Variants in OR10J1 observed in about 807,000 individuals in gnomAD.
OR10J1 encodes the protein olfactory receptor family 10 subfamily J member 1.
For missense variants in OR10J1, 474 were observed against 376.6 expected, an observed-to-expected ratio of 1.26 and a Z score of -2.14; for synonymous variants, 202 against 143.8, an observed-to-expected ratio of 1.40 and a Z score of -2.89.
chr1:159,410,162 T>G, the OR10J1 span, among the ~76,000 whole-genome samples: 4 of 152,298 alleles, frequency 2.6e-5, no homozygotes, highest in Admixed American at 2.6e-4. Flanking sequence ...AAATTCTCTT[T>G]TTTGGTTGTG....
chr1:159,418,666 T>C, the OR10J1 span, among the ~76,000 whole-genome samples: 3 of 152,094 alleles, frequency 2.0e-5, no homozygotes, highest in Middle Eastern at 3.2e-3. Flanking sequence ...CCACACAAAG[T>C]CCTTACTGGG....
At chr1:159,403,203 G>A in the OR10J1 span, among the ~76,000 whole-genome samples, 1 of 152,100 alleles carries the variant, frequency 6.6e-6, no homozygotes, top group South Asian at 2.1e-4. Flanking sequence ...ATTAACCTGG[G>A]CAAAAATTTC....
At chr1:159,421,942 C>T in the OR10J1 span, among the ~76,000 whole-genome samples, 55 of 152,198 alleles carry the variant, frequency 3.6e-4, no homozygotes, top group East Asian at 9.7e-3. Flanking sequence ...GGGCGTCAGG[C>T]GTGGCATGGG....
At chr1:159,413,804 C>A in the OR10J1 span, among the ~76,000 whole-genome samples, 26 of 151,328 alleles carry the variant, frequency 1.7e-4, no homozygotes, top group African/African-American at 6.1e-4. Flanking sequence ...CTAACCTGCA[C>A]ATTGTGCACA....
chr1:159,440,829 G>A lies in OR10J1; in HGVS notation c.*108G>A, dbSNP rs1655926860. The A allele has an allele frequency of 1.7e-6, 2 of 1,184,974 alleles. No individual in the cohort carries two copies. The highest frequency in any genetic ancestry group is 2.3e-6 in the Non-Finnish European group (2 of 852,508). 73.4% of individuals were successfully genotyped at this position (1,184,974 alleles called of 1,614,324 possible). On this transcript the variant is annotated 3_prime_UTR_variant, in exon 1 of 1. Coordinates refer to ENST00000423932, the MANE Select transcript of OR10J1 (RefSeq NM_012351.3). ...CTAGAGACCTGCCCCTTAAATAAGA[G>A]GCAAAAGAGGAATAGCAGTTTCATA...
chr1:159,404,920 G>A, the OR10J1 span, among the ~76,000 whole-genome samples: 4 of 152,112 alleles, frequency 2.6e-5, no homozygotes, highest in African/African-American at 7.2e-5. Context: ...ACTATAAAGC[G>A]ATGTACAAAC....
chr1:159,399,076 T>G, the OR10J1 span, among the ~76,000 whole-genome samples: 1 of 151,752 alleles, frequency 6.6e-6, no homozygotes, highest in Non-Finnish European at 1.5e-5. Context: ...TAAGCTTCAC[T>G]ACATCTGGCA....
Position 159,440,285 on chromosome 1 carries a change from G to T in OR10J1, c.494G>T (p.Arg165Met), listed in dbSNP as rs1196823156. 1 of 1,614,142 alleles carries T rather than the reference G, an allele frequency of 6.2e-7. No homozygotes were observed. The change falls in exon 1 of 1, where the codon AGG becomes ATG. Residue 165 changes from arginine to methionine, a missense_variant. Coordinates refer to ENST00000423932, the MANE Select transcript of OR10J1 (RefSeq NM_012351.3). ...VAITQVTSVF[R>M]LPFCARKVPH... The stretch of plus-strand genomic sequence containing the variant: ...ATAACGCAAGTGACATCTGTATTCA[G>T]GTTACCCTTCTGTGCTAGAAAGGTG...
In OR10J1 at chr1:159,440,243, T is replaced by G. The variant is rs1283131457; in HGVS notation, c.452T>G (p.Ile151Ser). ...RIQLVLGACS[I>S]GLIVAITQVT... ...CAACTTGTCCTGGGGGCCTGCAGCA[T>G]TGGGCTGATTGTAGCAATAACGCAA... The change falls in exon 1 of 1, where the codon ATT becomes AGT. Residue 151 changes from isoleucine to serine, a missense_variant. Ile to Ser is a moderately radical substitution (Grantham distance 142). Transcript: ENST00000423932. 3 of 1,614,052 alleles carry G rather than the reference T, an allele frequency of 1.9e-6. No homozygotes were observed. Among genetic ancestry groups the G allele is most frequent in the Non-Finnish European group, 1.7e-6 (2 of 1,180,026 alleles).
At chr1:159,400,626 A>T in the OR10J1 span, among the ~76,000 whole-genome samples, 1 of 151,266 alleles carries the variant, frequency 6.6e-6, no homozygotes, top group African/African-American at 2.4e-5. Flanking sequence ...TAAAGAAAAT[A>T]CTATTAGAGC....
the OR10J1 span, chr1:159,405,920 C>T: frequency 5.7e-6 from 3 of 523,072 alleles, no homozygotes; most frequent in Non-Finnish European, 1.1e-5. Context: ...ATGCCCAGGC[C>T]AATCCTCAGT....
the OR10J1 span, among the ~76,000 whole-genome samples, chr1:159,412,754 T>C: frequency 6.6e-6 from 1 of 151,704 alleles, no homozygotes; most frequent in African/African-American, 2.4e-5. Flanking sequence ...ACCTAGGCGT[T>C]ACCATTCAGG....
At chr1:159,432,003 C>T in the OR10J1 span, among the ~76,000 whole-genome samples, 1 of 152,172 alleles carries the variant, frequency 6.6e-6, no homozygotes, top group Non-Finnish European at 1.5e-5. Context: ...CTACATCTGT[C>T]CCCCAGTCTC....
chr1:159,419,347 G>A, the OR10J1 span, among the ~76,000 whole-genome samples: 5 of 152,136 alleles, frequency 3.3e-5, no homozygotes, highest in Admixed American at 1.3e-4. Context: ...TTGAATCATG[G>A]GGGTGGGTCT....
upstream of OR10J1, chr1:159,437,853 T>C (rs1655782597): frequency 6.6e-6 from 1 of 152,468 alleles, no homozygotes; most frequent in Admixed American, 6.5e-5. Flanking sequence ...CCTGACTATA[T>C]TCCTACTAGT....
chr1:159,405,876 C>A, the OR10J1 span: 1 of 667,730 alleles, frequency 1.5e-6, no homozygotes, highest in South Asian at 1.6e-5. Flanking sequence ...CACAAAAGGG[C>A]AGGCCAAACA....
chr1:159,408,575 C>A, the OR10J1 span, among the ~76,000 whole-genome samples: 3 of 151,736 alleles, frequency 2.0e-5, no homozygotes, highest in Non-Finnish European at 4.4e-5. Context: ...TGTAACTAAC[C>A]TGCACATTGT....
the OR10J1 span, among the ~76,000 whole-genome samples, chr1:159,412,305 A>G: frequency 4.0e-5 from 6 of 149,468 alleles, no homozygotes; most frequent in African/African-American, 1.5e-4. Context: ...TCAAGCTACC[A>G]ATGACTTTCT....
chr1:159,413,678 A>C, the OR10J1 span, among the ~76,000 whole-genome samples: 1 of 114,394 alleles, frequency 8.7e-6, no homozygotes, highest in African/African-American at 3.4e-5. Flanking sequence ...ATCACACTCT[A>C]GGGACTGTTG....
Sources: allele counts gnomAD v4.1 joint callset (sites outside exome capture counted in the v4.1 genomes callset), GRCh38; gene constraint gnomAD v4.1.1; transcripts MANE v1.5; gene names NCBI Gene and HGNC (gene_info 2026-07-23, HGNC 2026-07-21).